Variants in SORCS2 observed in about 807,000 individuals in gnomAD.
SORCS2 encodes VPS10 domain-containing receptor SorCS2.
Under a neutral mutation model 141.6 loss-of-function variants are expected in SORCS2, and 100 were observed. That is an observed-to-expected ratio of 0.71 (90% CI 0.60 to 0.83). SORCS2 has a LOEUF of 0.83. Among genes scored for constraint, SORCS2 ranks in the 40% least tolerant of loss-of-function variants. The pLI is 0.00. For synonymous variants in SORCS2, 789 were observed against 676.9 expected, an observed-to-expected ratio of 1.17 and a Z score of -2.57; for missense variants, 1,646 against 1,560.2, an observed-to-expected ratio of 1.05 and a Z score of -0.93.
At chr4:7,528,285 G>C (rs1733824790) in intron 2 of SORCS2, among the ~76,000 whole-genome samples, 1 of 152,172 alleles carries the variant, frequency 6.6e-6, no homozygotes. Context: ...TGGGTGAGTG[G>C]GTGAATCAAT....
chr4:7,421,954 T>A (rs1212313231), intron 2 of SORCS2, among the ~76,000 whole-genome samples: 1 of 149,298 alleles, frequency 6.7e-6, no homozygotes, highest in Non-Finnish European at 1.5e-5. Context: ...ATGGTCGACC[T>A]TGAGATGCTC....
In SORCS2 at chr4:7,433,313, G is replaced by A. The variant is rs893474870; in HGVS notation, c.548+36958G>A. 4.3e-6 allele frequency: 6 copies of A among 1,389,170 alleles called. No homozygotes were observed. The African/African-American group carries it at 7.3e-5, about 17-fold the overall frequency. 86.1% of individuals were successfully genotyped at this position (1,389,170 alleles called of 1,614,324 possible). A position where few individuals can be genotyped will look rare whatever the true frequency, so the allele number is the denominator to read the frequency against. On this transcript the variant is annotated intron_variant, in intron 2 of 26. Coordinates refer to ENST00000507866, the MANE Select transcript of SORCS2 (RefSeq NM_020777.3). ...AGGCTCTGGGTCTCTGGCAGCCACGGTCACGCGTGTTCCCCAGCGTGGAGG... is the reference window on the plus strand; with the variant it reads ...AGGCTCTGGGTCTCTGGCAGCCACGATCACGCGTGTTCCCCAGCGTGGAGG...
At chr4:7,318,201 G>C (rs80080643) in intron 1 of SORCS2, among the ~76,000 whole-genome samples, 1,948 of 152,302 alleles carry the variant, frequency 0.013, 37 homozygotes, top group African/African-American at 0.045. Context: ...GTACTTTACA[G>C]ACAGGGAAAC....
At chr4:7,379,237 C>A (rs139738693) in intron 1 of SORCS2, among the ~76,000 whole-genome samples, 1 of 152,134 alleles carries the variant, frequency 6.6e-6, no homozygotes, top group South Asian at 2.1e-4. Context: ...GCAGTTGACT[C>A]CCCAGGGTGC....
intron 2 of SORCS2, among the ~76,000 whole-genome samples, chr4:7,427,790 G>A (rs949846693): frequency 1.3e-5 from 2 of 152,036 alleles, no homozygotes; most frequent in African/African-American, 4.8e-5. Flanking sequence ...ATCAGCAGGG[G>A]ATGGCACGGA....
At chr4:7,672,583 C>T (rs944912481) in intron 8 of SORCS2, among the ~76,000 whole-genome samples, 7 of 152,170 alleles carry the variant, frequency 4.6e-5, no homozygotes, top group African/African-American at 1.4e-4. Context: ...ACATAATAAA[C>T]AATACTATGT....
chr4:7,252,362 G>A (rs1476724090), intron 1 of SORCS2, among the ~76,000 whole-genome samples: 1 of 152,218 alleles, frequency 6.6e-6, no homozygotes, highest in African/African-American at 2.4e-5. Context: ...GGTGGGGCAG[G>A]GCAGAGCTCA....
intron 3 of SORCS2, among the ~76,000 whole-genome samples, chr4:7,549,583 G>A (rs1307499305): frequency 6.6e-6 from 1 of 152,204 alleles, no homozygotes; most frequent in African/African-American, 2.4e-5. Context: ...CCAAGACTCT[G>A]TGTTCTTATT....
chr4:7,390,642 G>A (rs1723799884), intron 1 of SORCS2, among the ~76,000 whole-genome samples: 1 of 152,222 alleles, frequency 6.6e-6, no homozygotes, highest in Non-Finnish European at 1.5e-5. Flanking sequence ...AGAGCAGAGG[G>A]AAGTGGCCCA....
chr4:7,487,999 C>T (rs2109392638), intron 2 of SORCS2, among the ~76,000 whole-genome samples: 1 of 152,272 alleles, frequency 6.6e-6, no homozygotes. Context: ...GCTTTCTTCC[C>T]TGTCACCGCC....
chr4:7,422,264 G>T (rs1726128761), intron 2 of SORCS2, among the ~76,000 whole-genome samples: 1 of 152,160 alleles, frequency 6.6e-6, no homozygotes, highest in African/African-American at 2.4e-5. Context: ...TCAGAGCCCA[G>T]CTCAGCCTCC....
At chr4:7,244,958 T>C (rs568391893) in intron 1 of SORCS2, among the ~76,000 whole-genome samples, 30 of 152,046 alleles carry the variant, frequency 2.0e-4, no homozygotes, top group Non-Finnish European at 3.4e-4. Flanking sequence ...AGTGGGCAGT[T>C]GGAAGGGGGG....
At chr4:7,194,739 C>T (rs975900711) in intron 1 of SORCS2, among the ~76,000 whole-genome samples, 5 of 152,158 alleles carry the variant, frequency 3.3e-5, no homozygotes, top group South Asian at 2.1e-4. Context: ...TGTGAACAAA[C>T]GGTGTGTGCT....
At chr4:7,344,739 G>C (rs534503181) in intron 1 of SORCS2, among the ~76,000 whole-genome samples, 16 of 152,310 alleles carry the variant, frequency 1.1e-4, no homozygotes, top group Non-Finnish European at 1.5e-4. Context: ...TGAATGGGTT[G>C]GTTTTGGGGA....
At chr4:7,639,705 A>G in intron 4 of SORCS2, among the ~76,000 whole-genome samples, 1 of 134,860 alleles carries the variant, frequency 7.4e-6, no homozygotes, top group Admixed American at 7.2e-5. Flanking sequence ...CTGTGTGTGA[A>G]TGTGTGTTCA....
chr4:7,595,459 C>T (rs954574515), intron 3 of SORCS2, among the ~76,000 whole-genome samples: 7 of 152,154 alleles, frequency 4.6e-5, no homozygotes, highest in Non-Finnish European at 2.9e-5. Flanking sequence ...CTGAAAGCCC[C>T]AAAACTCTAA....
At chr4:7,456,335 A>T (rs951244660) in intron 2 of SORCS2, among the ~76,000 whole-genome samples, 7 of 152,240 alleles carry the variant, frequency 4.6e-5, no homozygotes, top group African/African-American at 1.7e-4. Context: ...GAATGAAATT[A>T]TGCGAATGAG....
At chr4:7,671,340 A>T in intron 8 of SORCS2, among the ~76,000 whole-genome samples, 1 of 138,004 alleles carries the variant, frequency 7.2e-6, no homozygotes, top group South Asian at 2.2e-4. Context: ...GAGCATTCAA[A>T]AGAAAAAAAA....
At chr4:7,415,483 G>T (rs926003267) in intron 2 of SORCS2, among the ~76,000 whole-genome samples, 7 of 152,178 alleles carry the variant, frequency 4.6e-5, no homozygotes, top group Non-Finnish European at 8.8e-5. Flanking sequence ...GCCAGAAAAG[G>T]TTCTGCCTTT....
Sources: allele counts gnomAD v4.1 joint callset (sites outside exome capture counted in the v4.1 genomes callset), GRCh38; gene constraint gnomAD v4.1.1; transcripts MANE v1.5; gene names NCBI Gene and HGNC (gene_info 2026-07-23, HGNC 2026-07-21).